The following ANKFY1 variants were observed in gnomAD, a reference collection of about 807,000 sequenced individuals.
ANKFY1 encodes ankyrin repeat and FYVE domain-containing protein 1.
A neutral mutation model predicts 128.3 loss-of-function variants in ANKFY1; 47 were observed. That is an observed-to-expected ratio of 0.37 (90% confidence interval 0.29 to 0.47). The LOEUF is 0.47. Among genes scored for constraint, ANKFY1 ranks in the 20% least tolerant of loss-of-function variants. The pLI, the probability that ANKFY1 is intolerant of heterozygous loss-of-function variation, is 1.00. For synonymous variants in ANKFY1, 553 were observed against 601.6 expected (o/e 0.92, Z 1.18); for missense variants, 1,222 against 1,510.6 (o/e 0.81, Z 3.17).
intron 1 of ANKFY1, among the ~76,000 whole-genome samples, chr17:4,251,774 C>G (rs1967845375): frequency 6.6e-6 from 1 of 152,040 alleles, no homozygotes; most frequent in Non-Finnish European, 1.5e-5. Context: ...TCATTCCCAG[C>G]CTGTAATCCC....
intron 10 of ANKFY1, among the ~76,000 whole-genome samples, chr17:4,193,417 C>CTT (rs1379284656): frequency 1.2e-5 from 1 of 86,210 alleles, no homozygotes; most frequent in Non-Finnish European, 2.5e-5. Context: ...CACCAGTCGA[C>CTT]TCTTTTTTTT....
intron 7 of ANKFY1, among the ~76,000 whole-genome samples, chr17:4,205,480 C>T (rs768571086): frequency 1.6e-4 from 25 of 152,230 alleles, no homozygotes; most frequent in African/African-American, 4.1e-4. Context: ...CGGTGGCTCA[C>T]GCCTCTAATC....
In ANKFY1 at chr17:4,167,070, G is replaced by C. The variant is rs887286479; in HGVS notation, c.*709C>G. The C allele has an allele frequency of 1.3e-5, 2 of 152,646 alleles. No homozygotes were observed. The highest frequency in any genetic ancestry group is 2.9e-5 in the Non-Finnish European group (2 of 68,060). 9.5% of individuals were successfully genotyped at this position (152,646 alleles called of 1,614,324 possible). ...CCACAGACAGGACGCAGCAAGACGA[G>C]AGAATGAGACGGCTGCTACGAGGTG... On this transcript the variant is annotated 3_prime_UTR_variant, in exon 25 of 25. Transcript: ENST00000341657. The surrounding 1 kb of genome is among the most constrained non-coding windows in gnomAD (Gnocchi z 4.1).
At chr17:4,207,074 G>A (rs2060038502) in intron 6 of ANKFY1, among the ~76,000 whole-genome samples, 1 of 152,100 alleles carries the variant, frequency 6.6e-6, no homozygotes, top group Non-Finnish European at 1.5e-5. Context: ...CCTTGTGATG[G>A]GGACAGTATC....
chr17:4,261,627 G>C (rs1018915483), intron 1 of ANKFY1, among the ~76,000 whole-genome samples: 2 of 152,208 alleles, frequency 1.3e-5, no homozygotes, highest in African/African-American at 4.8e-5. Flanking sequence ...TGTCTCTCAA[G>C]GCGCTTGCCG....
In ANKFY1 at chr17:4,216,099, C is replaced by T. The variant is rs560784333; in HGVS notation, c.458+884G>A. Among the ~76,000 whole-genome samples the T allele has an allele frequency of 3.3e-5, 5 of 152,250 alleles. No homozygotes were observed. In the South Asian group the frequency reaches 8.3e-4, roughly 25 times the overall value. On this transcript the variant is annotated intron_variant, in intron 4 of 24. Transcript: ENST00000341657. ...ACATCAATAACAGACAGGAGTAAGC[C>T]GTCCACTGATTTCATGTGGGGCACA...
chr17:4,195,602 A>G, intron 8 of ANKFY1, 131 bp from the exon 9 acceptor site: 1 of 734,042 alleles, frequency 1.4e-6, no homozygotes, highest in Non-Finnish European at 2.4e-6. Flanking sequence ...AGGCTTCTAA[A>G]ACCATGACCC....
chr17:4,183,733 C>T (rs184089078), intron 13 of ANKFY1, 79 bp downstream of exon 13: 79 of 1,480,436 alleles, frequency 5.3e-5, no homozygotes, highest in Non-Finnish European at 7.2e-5. Context: ...CTCTTTCTTT[C>T]TCGCTCCCTC....
chr17:4,193,228 T>C (rs1309532206), intron 10 of ANKFY1, among the ~76,000 whole-genome samples: 1 of 152,130 alleles, frequency 6.6e-6, no homozygotes, highest in Non-Finnish European at 1.5e-5. Flanking sequence ...AAAAACTAGT[T>C]CTGTAAGAGT....
intron 23 of ANKFY1, among the ~76,000 whole-genome samples, chr17:4,170,157 C>G (rs2059289184): frequency 6.6e-6 from 1 of 152,218 alleles, no homozygotes; most frequent in Non-Finnish European, 1.5e-5. Context: ...CATCCCATGG[C>G]TACCGGGGAT....
chr17:4,173,443 A>G lies in ANKFY1; in HGVS notation c.2925T>C (p.Ala975=). 6.2e-7 allele frequency: 1 copy of G among 1,614,050 alleles called. No homozygotes were observed. Among genetic ancestry groups the G allele is most frequent in the South Asian group, 1.1e-5 (1 of 91,082 alleles). The part of the protein sequence containing the change: ...FAAVDENGNN[A]LHLAVMHGRL... Reference sequence around the variant, plus strand: ...GGCCGTGCATGACAGCAAGATGAAGAGCTGGGAAGTAAATCCTCTTACTAT... The same window carrying G: ...GGCCGTGCATGACAGCAAGATGAAGGGCTGGGAAGTAAATCCTCTTACTAT... Residue 975 remains alanine, a splice_region_variant and synonymous_variant, in exon 21 of 25, where the codon GCT becomes GCC. Transcript: ENST00000341657.
rs141265190 is a variant in ANKFY1, at chr17:4,242,302, G to A, written c.157C>T (p.Arg53Cys). The A allele has an allele frequency of 3.2e-5, 51 of 1,591,872 alleles. No individual in the cohort carries two copies. The highest frequency in any genetic ancestry group is 4.0e-5 in the Non-Finnish European group (47 of 1,172,134). ...AGGTCTGCCACGATGGCCAGCAGAC[G>A]GCTGATGAAGGACTCGCTGCTGCTC... ...KESSSESFIS[R>C]LLAIVADLYE... is the part of the protein sequence containing the mutation. The change falls in exon 2 of 25, where the codon CGT (arginine) becomes TGT (cysteine). Residue 53 changes from arginine to cysteine, a missense_variant. By Grantham distance (180) the Arg-to-Cys change is radical (BLOSUM62 -3). Transcript: ENST00000341657.
Position 4,177,911 on chromosome 17 carries a change from C to G in ANKFY1, c.2599-609G>C, listed in dbSNP as rs1378938780. 3 of 152,444 alleles carry G rather than the reference C, an allele frequency of 2.0e-5. No individual in the cohort carries two copies. In the East Asian group the frequency reaches 5.8e-4, roughly 29 times the overall value. 9.4% of individuals were successfully genotyped at this position (152,444 alleles called of 1,614,324 possible). A position where few individuals can be genotyped will look rare whatever the true frequency, so the allele number is the denominator to read the frequency against. On this transcript the variant is annotated intron_variant, in intron 18 of 24. Transcript: ENST00000341657. The stretch of plus-strand genomic sequence containing the variant: ...AAAGCACACCGTCTCCTGTAGTTCC[C>G]AGAGCCGTCTTAGCATGAGTGTGGA...
At chr17:4,172,432 A>G (rs2059338279) in intron 22 of ANKFY1, 124 bp downstream of exon 22, 4 of 1,333,776 alleles carry the variant, frequency 3.0e-6, no homozygotes, top group Non-Finnish European at 4.1e-6. Context: ...TCACACCCGG[A>G]GGGCCCAACA....
intron 17 of ANKFY1, chr17:4,179,496 G>A (rs1213510009): frequency 1.7e-5 from 10 of 593,090 alleles, no homozygotes; most frequent in Admixed American, 3.2e-5. Context: ...AGGGGGAATA[G>A]GAGGCAAAGA....
Position 4,243,754 on chromosome 17 carries a change from C to T in ANKFY1, c.11-1306G>A, listed in dbSNP as rs919370105. Among the ~76,000 whole-genome samples the T allele has an allele frequency of 2.6e-5, 4 of 152,240 alleles. No individual in the cohort carries two copies. In the South Asian group the frequency reaches 6.2e-4, roughly 24 times the overall value. ...CAATAATGGTTCAGATGGAGGCATG[C>T]CATCTTCCGCAGGTGCGCTGGGGCA... On this transcript the variant is annotated intron_variant, in intron 1 of 24. Coordinates refer to ENST00000341657, the MANE Select transcript of ANKFY1 (RefSeq NM_001330063.2).
intron 4 of ANKFY1, among the ~76,000 whole-genome samples, chr17:4,212,016 T>C (rs138433068): frequency 2.4e-3 from 369 of 152,294 alleles, no homozygotes; most frequent in Non-Finnish European, 3.6e-3. Flanking sequence ...GTCTGGAAGA[T>C]ATGGCATTGG....
intron 1 of ANKFY1, chr17:4,263,489 A>AAC: frequency 2.8e-6 from 3 of 1,088,542 alleles, no homozygotes; most frequent in Non-Finnish European, 3.8e-6. Context: ...CCTCACCCCA[A>AAC]CCCAGCCCGA....
intron 2 of ANKFY1, among the ~76,000 whole-genome samples, chr17:4,241,659 G>C (rs1404322795): frequency 6.6e-6 from 1 of 152,062 alleles, no homozygotes; most frequent in African/African-American, 2.4e-5. Context: ...AGACTGTTTT[G>C]CTTTGATCAT....
Sources: gnomAD v4.1 joint callset for allele counts (sites outside exome capture counted in the v4.1 genomes callset) on GRCh38, gnomAD v4.1.1 for gene constraint, Gnocchi (gnomAD v3.1) non-coding constraint, MANE v1.5 for transcripts, NCBI Gene and HGNC (gene_info 2026-07-23, HGNC 2026-07-21) for gene names.